Variants in ARPP21 observed in about 807,000 individuals in gnomAD.
ARPP21 encodes the protein cAMP-regulated phosphoprotein 21.
ARPP21 carries 69 observed loss-of-function variants against 113.2 expected under a neutral mutation model. The observed-to-expected ratio is 0.61, with a 90% CI of 0.50 to 0.74. ARPP21 has a LOEUF of 0.74. ARPP21 is among the 30% of genes least tolerant of loss of function. The pLI is 0.00. For synonymous variants in ARPP21, 368 were observed against 375.5 expected, an observed-to-expected ratio of 0.98 and a Z score of 0.23; for missense variants, 1,070 against 1,037.4, an observed-to-expected ratio of 1.03 and a Z score of -0.43.
chr3:35,677,262 A>T (rs927133039), intron 1 of ARPP21, among the ~76,000 whole-genome samples: 1 of 151,758 alleles, frequency 6.6e-6, no homozygotes, highest in East Asian at 1.9e-4. Context: ...CACAGTGATT[A>T]ATATGTGTAA....
In ARPP21 at chr3:35,682,876, G is replaced by A. The variant is rs2079376343; in HGVS notation, c.158G>A (p.Arg53Lys). Residue 53 changes from arginine to lysine, a missense_variant, in exon 4 of 21, where the codon AGA becomes AAA. Arg to Lys is a conservative substitution (Grantham distance 26, BLOSUM62 2). Coordinates refer to ENST00000684406, the MANE Select transcript of ARPP21 (RefSeq NM_001385562.1). Reference sequence around the variant, plus strand: ...CGGCTGGAGGCTCAGAATCAAGAAAGAAGAAAATCCAAGGTAGGGTTCTTA... The same window carrying A: ...CGGCTGGAGGCTCAGAATCAAGAAAAAAGAAAATCCAAGGTAGGGTTCTTA... Reference protein sequence around the residue: ...QRRLEAQNQERRKSKSGAGKG... With the variant: ...QRRLEAQNQEKRKSKSGAGKG... The A allele has an allele frequency of 1.2e-6, 2 of 1,609,394 alleles. No homozygotes were observed. Among genetic ancestry groups the A allele is most frequent in the Non-Finnish European group, 1.7e-6 (2 of 1,177,482 alleles).
In ARPP21 at chr3:35,727,113, C is replaced by T. The variant is rs555069466; in HGVS notation, c.1226-2190C>T. On this transcript the variant is annotated intron_variant, in intron 14 of 20. Coordinates refer to ENST00000684406, the MANE Select transcript of ARPP21 (RefSeq NM_001385562.1). ...TTCGTAGCCCCATGAGCATTCTAAA[C>T]CACTTAGATGGAGCATCCTGAATTG... Among the ~76,000 whole-genome samples, 10 of 152,270 alleles carry T rather than the reference C, an allele frequency of 6.6e-5. No individual in the cohort carries two copies. The South Asian group carries it at 2.1e-3, about 32-fold the overall frequency.
chr3:35,707,041 T>C lies in ARPP21; in HGVS notation c.754T>C (p.Leu252=). Residue 252 remains leucine, a synonymous_variant, in exon 10 of 21, where the codon TTG becomes CTG. Transcript: ENST00000684406. ...KGEESQKRFI[L]KRDNSSIDKE... is the part of the protein sequence containing the mutation. ...TGAAGAATCCCAGAAGCGGTTTATCTTGAAGCGAGATAACTCTAGTATTGA... is the reference window on the plus strand; with the variant it reads ...TGAAGAATCCCAGAAGCGGTTTATCCTGAAGCGAGATAACTCTAGTATTGA... 1.2e-6 allele frequency: 2 copies of C among 1,614,090 alleles called. No individual in the cohort carries two copies. The highest frequency in any genetic ancestry group is 1.7e-6 in the Non-Finnish European group (2 of 1,179,950).
intron 13 of ARPP21, among the ~76,000 whole-genome samples, chr3:35,720,894 C>G (rs1032138344): frequency 6.6e-6 from 1 of 152,016 alleles, no homozygotes; most frequent in Non-Finnish European, 1.5e-5. Flanking sequence ...TCCATTGTTC[C>G]CCTTGGAAAG....
At chr3:35,684,789 C>T in intron 5 of ARPP21, 1 of 984,942 alleles carries the variant, frequency 1.0e-6, no homozygotes. Flanking sequence ...TAGATTTTGT[C>T]CTAAGAGAGT....
intron 1 of ARPP21, among the ~76,000 whole-genome samples, chr3:35,657,547 T>C (rs1237258986): frequency 2.0e-5 from 3 of 152,178 alleles, no homozygotes; most frequent in African/African-American, 7.2e-5. Flanking sequence ...TATATTAATG[T>C]GCTTAATCCT....
chr3:35,660,417 C>T (rs1413752874), intron 1 of ARPP21, among the ~76,000 whole-genome samples: 1 of 152,186 alleles, frequency 6.6e-6, no homozygotes, highest in East Asian at 1.9e-4. Context: ...CAAACTCTTA[C>T]TCTGCTTCCA....
intron 5 of ARPP21, chr3:35,685,733 C>G: frequency 1.0e-6 from 1 of 978,118 alleles, no homozygotes; most frequent in Non-Finnish European, 1.2e-6. Context: ...TAATGTTATA[C>G]TATTTACCTG....
At position 35,749,431 on chromosome 3, in the gene ARPP21, CA is replaced by C. The variant is rs61007987; in HGVS notation, c.2137+5485del. On this transcript the variant is annotated intron_variant, in intron 19 of 20. Transcript: ENST00000684406. The stretch of plus-strand genomic sequence containing the variant: ...CCAAAATCTTGGTCATTCCTAAAAG[CA>C]AAAAAAAAAAAAAAAAAAGGAACTT... Among the ~76,000 whole-genome samples the C allele has an allele frequency of 1.8e-3, 183 of 100,780 alleles. 2 individuals carry two copies. The highest frequency in any genetic ancestry group is 0.015 in the South Asian group (42 of 2,720). 66.1% of individuals were successfully genotyped at this position (100,780 alleles called of 152,430 possible).
intron 14 of ARPP21, among the ~76,000 whole-genome samples, chr3:35,723,508 A>G (rs2093292830): frequency 1.3e-5 from 2 of 152,200 alleles, no homozygotes; most frequent in South Asian, 2.1e-4. Flanking sequence ...CCACTATTGT[A>G]GCAACTGAAG....
chr3:35,716,767 T>C (rs2092460128), intron 12 of ARPP21, among the ~76,000 whole-genome samples: 1 of 151,994 alleles, frequency 6.6e-6, no homozygotes, highest in African/African-American at 2.4e-5. Context: ...CCATTTACAC[T>C]TGAGTGTCCC....
At chr3:35,782,090 A>G (rs1254688394) in intron 19 of ARPP21, among the ~76,000 whole-genome samples, 1 of 152,236 alleles carries the variant, frequency 6.6e-6, no homozygotes, top group Non-Finnish European at 1.5e-5. Context: ...CTTGATCCTG[A>G]AAACATTAGC....
rs773566601 is a variant in ARPP21 at position 35,682,828 on chromosome 3, A to T, written c.130-20A>T. The T allele has an allele frequency of 2.5e-6, 4 of 1,593,794 alleles. No individual in the cohort carries two copies. The highest frequency in any genetic ancestry group is 3.4e-6 in the Non-Finnish European group (4 of 1,171,458). ...TGTTTGTTTTATTTTATTTTGTTTTATTTTCTTTCCAACATACAGAGGCGG... is the reference window on the plus strand; with the variant it reads ...TGTTTGTTTTATTTTATTTTGTTTTTTTTTCTTTCCAACATACAGAGGCGG... On this transcript the variant is annotated intron_variant, in intron 3 of 20. Coordinates refer to ENST00000684406, the MANE Select transcript of ARPP21 (RefSeq NM_001385562.1).
chr3:35,771,312 T>G (rs1419672220), intron 19 of ARPP21, among the ~76,000 whole-genome samples: 1 of 151,912 alleles, frequency 6.6e-6, no homozygotes. Context: ...AAGTATCACA[T>G]AACATCAGAA....
intron 5 of ARPP21, chr3:35,685,237 A>C: frequency 2.0e-6 from 2 of 985,322 alleles, no homozygotes; most frequent in Non-Finnish European, 2.4e-6. Flanking sequence ...TCTGGACCTA[A>C]GTCTAGTGTA....
rs561665280 is a variant in ARPP21 at position 35,729,671 on chromosome 3, A to G, written c.1459+135A>G. On this transcript the variant is annotated intron_variant, in intron 15 of 20. Coordinates refer to ENST00000684406, the MANE Select transcript of ARPP21 (RefSeq NM_001385562.1). ...CTAGTTGCATGAACTGTTATGAAGC[A>G]TTTTTGTTTAGAAAGAGCAGATTTA... 253 of 713,452 alleles carry G rather than the reference A, an allele frequency of 3.5e-4. No individual in the cohort carries two copies. The African/African-American group carries it at 3.8e-3, about 11-fold the overall frequency. The allele number at this position is 713,452 out of a possible 1,614,324, so 44.2% of individuals were successfully genotyped here. A position where few individuals can be genotyped will look rare whatever the true frequency, so the allele number is the denominator to read the frequency against.
chr3:35,650,082 T>A (rs1451468526), intron 1 of ARPP21: 1 of 152,142 alleles, frequency 6.6e-6, no homozygotes, highest in African/African-American at 2.4e-5. Flanking sequence ...CGTTATCTTC[T>A]CTGAGACTGT....
chr3:35,751,783 A>G (rs952978149), intron 19 of ARPP21, among the ~76,000 whole-genome samples: 1 of 152,100 alleles, frequency 6.6e-6, no homozygotes, highest in Non-Finnish European at 1.5e-5. Context: ...TTTAGCACCT[A>G]CAGAATTAAT....
chr3:35,782,205 T>C (rs1250335919), intron 19 of ARPP21, among the ~76,000 whole-genome samples: 3 of 152,198 alleles, frequency 2.0e-5, no homozygotes, highest in Non-Finnish European at 2.9e-5. Context: ...TTTCAGTTGA[T>C]TGTCCATTTT....
Sources: gnomAD v4.1 joint callset for allele counts (sites outside exome capture counted in the v4.1 genomes callset) on GRCh38, gnomAD v4.1.1 for gene constraint, MANE v1.5 for transcripts, NCBI Gene and HGNC (gene_info 2026-07-23, HGNC 2026-07-21) for gene names.